GPC6: variants seen among roughly 807,000 people sequenced by gnomAD.
GPC6 encodes glypican 6.
Under a neutral mutation model 55.2 loss-of-function variants are expected in GPC6, and 14 were observed. The ratio of observed to expected loss-of-function variants is 0.25; its 90% CI spans 0.17 to 0.40. GPC6 has a LOEUF of 0.40. Ranked by LOEUF, GPC6 falls within the 10% of genes least tolerant of loss-of-function variation. GPC6 has a pLI of 1.00. For missense variants in GPC6, 641 were observed against 708.5 expected, an observed-to-expected ratio of 0.90 and a Z score of 1.08; for synonymous variants, 278 against 259.6, an observed-to-expected ratio of 1.07 and a Z score of -0.68.
chr13:93,593,762 T>C (rs1342734606), intron 2 of GPC6, among the ~76,000 whole-genome samples: 1 of 152,138 alleles, frequency 6.6e-6, no homozygotes, highest in Non-Finnish European at 1.5e-5. Context: ...GTTAAAAATA[T>C]CAAAATATCT....
At chr13:93,766,001 A>G (rs1054714213) in intron 2 of GPC6, among the ~76,000 whole-genome samples, 1 of 152,208 alleles carries the variant, frequency 6.6e-6, no homozygotes, top group African/African-American at 2.4e-5. Context: ...TCAACTTTAC[A>G]GTAGTAGTAG....
intron 4 of GPC6, among the ~76,000 whole-genome samples, chr13:94,216,129 A>G (rs187251384): frequency 3.8e-4 from 58 of 152,324 alleles, no homozygotes; most frequent in Middle Eastern, 3.4e-3. Context: ...AAGTTCCTGC[A>G]CTGCATTCCT....
At chr13:93,954,557 T>C (rs1258214373) in intron 3 of GPC6, among the ~76,000 whole-genome samples, 1 of 152,176 alleles carries the variant, frequency 6.6e-6, no homozygotes, top group Admixed American at 6.5e-5. Context: ...TTTACATGCT[T>C]TGTTTTTACC....
chr13:93,369,961 A>T (rs1487757013), intron 1 of GPC6, among the ~76,000 whole-genome samples: 4 of 152,090 alleles, frequency 2.6e-5, no homozygotes, highest in Non-Finnish European at 5.9e-5. Context: ...TATATTTTTT[A>T]AAATGCCAAT....
chr13:93,487,890 T>G (rs1341307862), intron 1 of GPC6, among the ~76,000 whole-genome samples: 1 of 152,208 alleles, frequency 6.6e-6, no homozygotes, highest in Admixed American at 6.5e-5. Flanking sequence ...CTTCTCTACC[T>G]CATCATACTG....
At chr13:93,934,478 C>G (rs554274739) in intron 3 of GPC6, among the ~76,000 whole-genome samples, 15 of 152,050 alleles carry the variant, frequency 9.9e-5, no homozygotes, top group African/African-American at 3.6e-4. Flanking sequence ...TAAAACTGAC[C>G]ACTTGACACT....
At chr13:93,266,115 G>T (rs950196216) in intron 1 of GPC6, among the ~76,000 whole-genome samples, 4 of 152,148 alleles carry the variant, frequency 2.6e-5, no homozygotes, top group Admixed American at 6.5e-5. Flanking sequence ...AAACTAATTT[G>T]TTTTTGTTTA....
intron 2 of GPC6, among the ~76,000 whole-genome samples, chr13:93,795,391 A>T (rs1886164140): frequency 6.6e-6 from 1 of 152,186 alleles, no homozygotes; most frequent in Non-Finnish European, 1.5e-5. Flanking sequence ...TGTTCCCTCA[A>T]CTGCTAGGAA....
chr13:93,855,607 G>A (rs1888576315), intron 3 of GPC6, among the ~76,000 whole-genome samples: 1 of 151,626 alleles, frequency 6.6e-6, no homozygotes, highest in African/African-American at 2.4e-5. Flanking sequence ...GTCTTCCAAA[G>A]TGGCTATACC....
chr13:93,982,213 A>T (rs938539419), intron 3 of GPC6, among the ~76,000 whole-genome samples: 2 of 152,228 alleles, frequency 1.3e-5, no homozygotes, highest in African/African-American at 4.8e-5. Flanking sequence ...AATATGAAAT[A>T]TACATTTTGT....
At chr13:94,011,154 C>T (rs1882231087) in intron 3 of GPC6, among the ~76,000 whole-genome samples, 1 of 151,922 alleles carries the variant, frequency 6.6e-6, no homozygotes, top group Non-Finnish European at 1.5e-5. Context: ...GGGGGTTTTT[C>T]CAGGGAAAAA....
chr13:93,817,885 GATA>G (rs1290422277), intron 2 of GPC6, among the ~76,000 whole-genome samples: 1 of 149,106 alleles, frequency 6.7e-6, no homozygotes, highest in African/African-American at 2.5e-5. Context: ...TAGATAGATA[GATA>G]GATAGATATA....
intron 1 of GPC6, among the ~76,000 whole-genome samples, chr13:93,339,660 C>T (rs187992806): frequency 6.6e-6 from 1 of 152,274 alleles, no homozygotes; most frequent in East Asian, 1.9e-4. Context: ...GCATAATGTT[C>T]AATAAAATGG....
At chr13:94,319,194 C>G (rs944752394) in intron 6 of GPC6, among the ~76,000 whole-genome samples, 3 of 151,954 alleles carry the variant, frequency 2.0e-5, no homozygotes, top group African/African-American at 7.2e-5. Flanking sequence ...TTACTTCACT[C>G]TTTTTCTTTT....
chr13:93,443,401 A>G (rs964432135), intron 1 of GPC6, among the ~76,000 whole-genome samples: 1 of 152,204 alleles, frequency 6.6e-6, no homozygotes, highest in Non-Finnish European at 1.5e-5. Context: ...GGCTATGTTA[A>G]CTGGATTGAT....
chr13:94,077,300 A>G (rs1884950518), intron 4 of GPC6, among the ~76,000 whole-genome samples: 1 of 151,836 alleles, frequency 6.6e-6, no homozygotes, highest in South Asian at 2.1e-4. Context: ...ATGTATAGAA[A>G]CATGACCGAT....
intron 2 of GPC6, among the ~76,000 whole-genome samples, chr13:93,734,595 A>C: frequency 6.6e-6 from 1 of 152,210 alleles, no homozygotes; most frequent in Non-Finnish European, 1.5e-5. Flanking sequence ...ATTTTTACCA[A>C]CTTATTAGAA....
intron 6 of GPC6, among the ~76,000 whole-genome samples, chr13:94,329,005 T>C (rs963934901): frequency 2.6e-5 from 4 of 152,172 alleles, no homozygotes; most frequent in Non-Finnish European, 5.9e-5. Flanking sequence ...CCCCATCAAC[T>C]CTGGAGCTCC....
At chr13:93,476,890 C>A (rs1209178889) in intron 1 of GPC6, among the ~76,000 whole-genome samples, 2 of 151,968 alleles carry the variant, frequency 1.3e-5, no homozygotes, top group Non-Finnish European at 2.9e-5. Flanking sequence ...TTTCTTGAAG[C>A]CTATTCCAAT....
Sources: allele counts gnomAD v4.1 joint callset (sites outside exome capture counted in the v4.1 genomes callset), GRCh38; gene constraint gnomAD v4.1.1; transcripts MANE v1.5; gene names NCBI Gene and HGNC (gene_info 2026-07-23, HGNC 2026-07-21).